Variants in FBN1 observed in about 807,000 individuals in gnomAD.
FBN1 encodes the protein fibrillin-1.
Under a neutral mutation model 365.1 loss-of-function variants are expected in FBN1, and 29 were observed. That is an observed-to-expected ratio of 0.08 (90% CI 0.06 to 0.11). The LOEUF (loss-of-function observed/expected upper bound fraction) is 0.11, where lower values mean the gene tolerates loss of function less well. FBN1 is among the 10% of genes least tolerant of loss of function. The pLI is 1.00. For synonymous variants in FBN1, 1,210 were observed against 1,270.5 expected (o/e 0.95, Z 1.01); for missense variants, 2,476 against 3,703.2 (o/e 0.67, Z 8.60).
intron 46 of FBN1, among the ~76,000 whole-genome samples, chr15:48,447,399 C>G (rs138186802): frequency 1.6e-4 from 24 of 152,166 alleles, no homozygotes; most frequent in Non-Finnish European, 2.6e-4. Flanking sequence ...CTAAACTACC[C>G]CAAAGAGATG....
chr15:48,443,202 T>C (rs1029728969), intron 49 of FBN1, among the ~76,000 whole-genome samples: 2 of 152,218 alleles, frequency 1.3e-5, no homozygotes, highest in Admixed American at 6.5e-5. Flanking sequence ...TGATCTTCTA[T>C]TGCCGATTGA....
intron 2 of FBN1, among the ~76,000 whole-genome samples, chr15:48,630,294 A>G (rs1325589083): frequency 1.3e-5 from 2 of 152,228 alleles, no homozygotes; most frequent in Non-Finnish European, 2.9e-5. Context: ...TTTTCTGTGC[A>G]TAAGTGGAAG....
At chr15:48,621,261 G>C (rs1889759945) in intron 2 of FBN1, among the ~76,000 whole-genome samples, 1 of 152,130 alleles carries the variant, frequency 6.6e-6, no homozygotes, top group Non-Finnish European at 1.5e-5. Context: ...CTTCCAAAGA[G>C]TACAGTATAA....
At chr15:48,503,639 C>A in intron 17 of FBN1, 148 bp downstream of exon 17, 2 of 928,554 alleles carry the variant, frequency 2.2e-6, no homozygotes, top group Non-Finnish European at 3.5e-6. Context: ...TGTGACTAGA[C>A]ACTGGCTGGC....
intron 49 of FBN1, among the ~76,000 whole-genome samples, chr15:48,444,229 C>T (rs2141247666): frequency 6.6e-6 from 1 of 152,222 alleles, no homozygotes; most frequent in Admixed American, 6.5e-5. Context: ...AGAATCGCCA[C>T]TTAAAAAATG....
intron 27 of FBN1, 72 bp downstream of exon 27, chr15:48,488,041 C>T (rs888311193): frequency 6.3e-7 from 1 of 1,599,512 alleles, no homozygotes; most frequent in African/African-American, 1.3e-5. Flanking sequence ...GAACCTGGAA[C>T]ATAGGCTATG....
At chr15:48,428,894 T>A (rs1034100739) in intron 56 of FBN1, among the ~76,000 whole-genome samples, 2 of 152,168 alleles carry the variant, frequency 1.3e-5, no homozygotes. Flanking sequence ...AGTACCCCCT[T>A]CATTTCCTAT....
At chr15:48,586,200 G>A (rs929862391) in intron 6 of FBN1, among the ~76,000 whole-genome samples, 41 of 152,280 alleles carry the variant, frequency 2.7e-4, no homozygotes, top group African/African-American at 8.4e-4. Flanking sequence ...ATGCTAAAAT[G>A]TCTGATGTAA....
intron 2 of FBN1, among the ~76,000 whole-genome samples, chr15:48,632,800 G>C (rs955658368): frequency 6.6e-6 from 1 of 152,142 alleles, no homozygotes; most frequent in Admixed American, 6.5e-5. Flanking sequence ...AACATTCCTA[G>C]CCAACTCTTC....
rs145146283 is a variant in FBN1, at chr15:48,487,323, G to A, written c.3452C>T (p.Ser1151Phe). 2.5e-6 allele frequency: 4 copies of A among 1,614,114 alleles called. No individual in the cohort carries two copies. The African/African-American group carries it at 5.3e-5, about 22-fold the overall frequency. ...GTCTTTCTCCTTACCGATACACGCG[G>A]AGATGTTGGGGGACAGCTGATGGCC... ...PPGHQLSPNI[S>F]ACIDINECEL... is the part of the protein sequence containing the mutation. Residue 1151 changes from serine to phenylalanine, a missense_variant, in exon 28 of 66, where the codon TCC becomes TTC. By Grantham distance (155) the Ser-to-Phe change is radical (BLOSUM62 -2). Coordinates refer to ENST00000316623, the MANE Select transcript of FBN1 (RefSeq NM_000138.5).
chr15:48,546,892 T>TGGCTTCC (rs1410429349), intron 6 of FBN1, among the ~76,000 whole-genome samples: 2 of 152,106 alleles, frequency 1.3e-5, no homozygotes, highest in Non-Finnish European at 2.9e-5. Flanking sequence ...CCCGGGCTTC[T>TGGCTTCC]GGCTTCCATC....
At chr15:48,416,186 C>A (rs76155368) in intron 63 of FBN1, among the ~76,000 whole-genome samples, 1 of 152,198 alleles carries the variant, frequency 6.6e-6, no homozygotes, top group African/African-American at 2.4e-5. Context: ...CAGTTCTCTG[C>A]GTACTTGCTT....
At chr15:48,439,299 C>T (rs1597527820) in intron 50 of FBN1, among the ~76,000 whole-genome samples, 2 of 152,358 alleles carry the variant, frequency 1.3e-5, no homozygotes, top group East Asian at 1.9e-4. Flanking sequence ...TTCTATTCCA[C>T]TTCCCCATCT....
chr15:48,628,033 G>A (rs1889917387), intron 2 of FBN1, among the ~76,000 whole-genome samples: 1 of 152,210 alleles, frequency 6.6e-6, no homozygotes, highest in African/African-American at 2.4e-5. Context: ...CCAAAAGCCT[G>A]TCATTTCACC....
chr15:48,512,211 C>T (rs1460735445), intron 13 of FBN1, among the ~76,000 whole-genome samples: 3 of 152,128 alleles, frequency 2.0e-5, no homozygotes, highest in African/African-American at 7.2e-5. Context: ...AAAATTAAAA[C>T]TTCTATATGT....
chr15:48,430,883 G>T, intron 55 of FBN1, 81 bp from the exon 56 acceptor site: 1 of 1,400,004 alleles, frequency 7.1e-7, no homozygotes, highest in Non-Finnish European at 1.0e-6. Flanking sequence ...AACATAAAAT[G>T]TTAGTAAGTA....
At chr15:48,435,775 T>C (rs1394122818) in intron 53 of FBN1, among the ~76,000 whole-genome samples, 3 of 131,230 alleles carry the variant, frequency 2.3e-5, no homozygotes, top group East Asian at 2.5e-4. Flanking sequence ...TGTGTATATG[T>C]GTGTGTGTGT....
At chr15:48,526,005 T>C in intron 9 of FBN1, 125 bp downstream of exon 9, 6 of 1,302,750 alleles carry the variant, frequency 4.6e-6, no homozygotes, top group Middle Eastern at 1.9e-4. Flanking sequence ...TTAACATTTT[T>C]CCAAAAATGT....
Position 48,496,317 on chromosome 15 carries a change from C to T in FBN1, c.2294-92G>A, listed in dbSNP as rs1022323566. 3.5e-5 allele frequency: 53 copies of T among 1,531,888 alleles called. 1 individual carries two copies. The highest frequency in any genetic ancestry group is 1.5e-4 in the African/African-American group (11 of 72,852). 94.9% of individuals were successfully genotyped at this position (1,531,888 alleles called of 1,614,324 possible). A position where few individuals can be genotyped will look rare whatever the true frequency, so the allele number is the denominator to read the frequency against. ...TTACATTAGATCTTTAAAGTCATAA[C>T]GACGTGATCAATTCAAGCAAAAAGG... is the stretch of plus-strand genomic sequence containing the variant. On this transcript the variant is annotated intron_variant, in intron 19 of 65. Coordinates refer to ENST00000316623, the MANE Select transcript of FBN1 (RefSeq NM_000138.5).
Sources: allele counts gnomAD v4.1 joint callset (sites outside exome capture counted in the v4.1 genomes callset), GRCh38; gene constraint gnomAD v4.1.1; transcripts MANE v1.5; gene names NCBI Gene and HGNC (gene_info 2026-07-23, HGNC 2026-07-21).